Variants in SULF1 observed in about 807,000 individuals in gnomAD.
SULF1 encodes the protein extracellular sulfatase Sulf-1.
A neutral mutation model predicts 110.5 loss-of-function variants in SULF1; 46 were observed. That is an observed-to-expected ratio of 0.42 (90% CI 0.33 to 0.53). SULF1 has a LOEUF of 0.53. Among genes scored for constraint, SULF1 ranks in the 20% least tolerant of loss-of-function variants. SULF1 has a pLI of 0.12. For missense variants in SULF1, 941 were observed against 1,094.2 expected (o/e 0.86, Z 1.98); for synonymous variants, 371 against 387.1 (o/e 0.96, Z 0.49).
At position 69,628,177 on chromosome 8, in the gene SULF1, C is replaced by A. The variant is rs752042415; in HGVS notation, c.2049C>A (p.Tyr683Ter). 6.2e-7 allele frequency: 1 copy of A among 1,612,858 alleles called. No individual in the cohort carries two copies. Among genetic ancestry groups the A allele is most frequent in the Non-Finnish European group, 8.5e-7 (1 of 1,178,846 alleles). The change falls in exon 18 of 23, where the codon TAC (tyrosine) becomes TAA (stop). Residue 683 changes from tyrosine to a stop codon, truncating the protein, a stop_gained. Transcript: ENST00000402687. LOFTEE classifies it high-confidence loss of function. ...TTAATCTTCTCTCCTGCAGCTATTA[C>A]AATAAAGAGAAAGGTGTAAAAAAGC... ...EECSCSKQSY[Y>*]NKEKGVKKQE...
chr8:69,483,705 C>T (rs578137171), intron 1 of SULF1, among the ~76,000 whole-genome samples: 74 of 152,252 alleles, frequency 4.9e-4, no homozygotes, highest in African/African-American at 1.6e-3. Flanking sequence ...AGGAGGATCA[C>T]GTGAACCTTA....
chr8:69,599,000 T>C (rs903392213), intron 8 of SULF1, among the ~76,000 whole-genome samples: 1 of 152,136 alleles, frequency 6.6e-6, no homozygotes, highest in Non-Finnish European at 1.5e-5. Flanking sequence ...GCAAATCCAC[T>C]GGCAGGAGAG....
intron 3 of SULF1, among the ~76,000 whole-genome samples, chr8:69,540,576 G>A (rs112128292): frequency 0.012 from 1,769 of 152,226 alleles, 40 homozygotes; most frequent in African/African-American, 0.039. Context: ...TTTTGGTGAG[G>A]AGCCATCTCC....
chr8:69,640,405 G>A (rs62512187), intron 21 of SULF1, among the ~76,000 whole-genome samples: 5,832 of 152,252 alleles, frequency 0.038, 161 homozygotes, highest in Middle Eastern at 0.082. Context: ...ACTTCAAGCC[G>A]TCCTCTCCAC....
intron 1 of SULF1, among the ~76,000 whole-genome samples, chr8:69,479,133 A>G (rs1809417083): frequency 6.6e-6 from 1 of 152,208 alleles, no homozygotes; most frequent in Non-Finnish European, 1.5e-5. Flanking sequence ...AATAGACAAT[A>G]GGCCAACTAG....
At chr8:69,489,983 A>G (rs1265861501), upstream of SULF1, among the ~76,000 whole-genome samples, 1 of 152,126 alleles carries the variant, frequency 6.6e-6, no homozygotes, top group Non-Finnish European at 1.5e-5. Context: ...GTCTGAAACT[A>G]CTGGCCTCTT....
In SULF1 at chr8:69,584,126, C is replaced by T. The variant is rs570182097; in HGVS notation, c.413-2231C>T. 1.7e-4 allele frequency among the ~76,000 whole-genome samples: 26 copies of T among 152,138 alleles called. No homozygotes were observed. In the East Asian group the frequency reaches 1.7e-3, roughly 10 times the overall value. ...AGGCAATGAGGGTAATCTGAGATTG[C>T]GAGAAGAGGGTGAAGTAACCAGAGC... On this transcript the variant is annotated intron_variant, in intron 6 of 22. Coordinates refer to ENST00000402687, the MANE Select transcript of SULF1 (RefSeq NM_001128205.2).
chr8:69,653,094 T>C (rs868705725), intron 22 of SULF1, among the ~76,000 whole-genome samples: 1 of 152,192 alleles, frequency 6.6e-6, no homozygotes, highest in Non-Finnish European at 1.5e-5. Context: ...TTTTTTAAGA[T>C]GGGGTTTCCG....
intron 3 of SULF1, among the ~76,000 whole-genome samples, chr8:69,526,315 G>T (rs149401047): frequency 2.0e-5 from 3 of 152,080 alleles, no homozygotes; most frequent in East Asian, 1.9e-4. Flanking sequence ...ATGCAAAAGA[G>T]AATTTAAATT....
chr8:69,603,442 A>G, intron 11 of SULF1, 122 bp downstream of exon 11: 1 of 1,515,350 alleles, frequency 6.6e-7, no homozygotes, highest in South Asian at 1.2e-5. Context: ...GATCACCCCA[A>G]GCTGAGCATT....
intron 3 of SULF1, among the ~76,000 whole-genome samples, chr8:69,549,789 G>A (rs1487435836): frequency 6.6e-6 from 1 of 152,142 alleles, no homozygotes; most frequent in Non-Finnish European, 1.5e-5. Flanking sequence ...ATCATTGCAA[G>A]TTGTCTCGCG....
chr8:69,603,447 A>G, intron 11 of SULF1, 127 bp downstream of exon 11: 1 of 1,467,330 alleles, frequency 6.8e-7, no homozygotes. Flanking sequence ...CCCCAAGCTG[A>G]GCATTTCTCA....
intron 8 of SULF1, among the ~76,000 whole-genome samples, chr8:69,600,095 A>G (rs1326774377): frequency 2.6e-5 from 4 of 152,244 alleles, no homozygotes; most frequent in Non-Finnish European, 5.9e-5. Flanking sequence ...CATAAAAACT[A>G]GATATGTAAG....
intron 22 of SULF1, among the ~76,000 whole-genome samples, chr8:69,644,281 C>G (rs1204191264): frequency 6.6e-6 from 1 of 152,206 alleles, no homozygotes; most frequent in Non-Finnish European, 1.5e-5. Flanking sequence ...AAATCCCAGC[C>G]TCGCTGGTGG....
At chr8:69,642,117 T>C (rs1811526894) in intron 22 of SULF1, 1 of 573,158 alleles carries the variant, frequency 1.7e-6, no homozygotes, top group African/African-American at 2.0e-5. Context: ...GTGAACTTAA[T>C]TGGTGCCATC....
intron 22 of SULF1, among the ~76,000 whole-genome samples, chr8:69,655,060 A>T (rs1812617154): frequency 6.6e-6 from 1 of 152,232 alleles, no homozygotes; most frequent in Non-Finnish European, 1.5e-5. Context: ...TGCAATGCTT[A>T]AAATGGGTCT....
At chr8:69,588,874 C>A (rs928157358) in intron 7 of SULF1, 98 bp from the exon 8 acceptor site, 1 of 1,236,704 alleles carries the variant, frequency 8.1e-7, no homozygotes, top group Non-Finnish European at 1.1e-6. Context: ...CTTGCCACTT[C>A]GTGCAGTGAA....
At chr8:69,634,903 G>T (rs1429065511) in intron 19 of SULF1, among the ~76,000 whole-genome samples, 1 of 152,286 alleles carries the variant, frequency 6.6e-6, no homozygotes, top group East Asian at 1.9e-4. Flanking sequence ...CGCCTCCCGG[G>T]TTCAAGTGAT....
At chr8:69,598,332 G>T (rs911816542) in intron 8 of SULF1, among the ~76,000 whole-genome samples, 3 of 152,148 alleles carry the variant, frequency 2.0e-5, no homozygotes, top group Admixed American at 1.3e-4. Flanking sequence ...CATTTTAAGT[G>T]CTCTGTATAT....
Sources: allele counts gnomAD v4.1 joint callset (sites outside exome capture counted in the v4.1 genomes callset), GRCh38; gene constraint gnomAD v4.1.1; transcripts MANE v1.5; gene names NCBI Gene and HGNC (gene_info 2026-07-23, HGNC 2026-07-21).